DDX31: variants seen among roughly 807,000 people sequenced by gnomAD.
DDX31 encodes the protein DEAD-box helicase 31.
Under a neutral mutation model 91.3 loss-of-function variants are expected in DDX31, and 70 were observed. The observed-to-expected ratio is 0.77, with a 90% CI of 0.63 to 0.94. The LOEUF is 0.94. DDX31 is among the 40% of genes least tolerant of loss of function. The pLI is 0.00. For synonymous variants in DDX31, 362 were observed against 350.6 expected (o/e 1.03, Z -0.36); for missense variants, 902 against 925.0 (o/e 0.98, Z 0.32).
intron 15 of DDX31, among the ~76,000 whole-genome samples, chr9:132,631,230 T>C (rs1832699892): frequency 6.6e-6 from 1 of 152,238 alleles, no homozygotes; most frequent in Non-Finnish European, 1.5e-5. Context: ...GTCAATATAA[T>C]GTATGGGAGG....
At position 132,663,286 on chromosome 9, in the gene DDX31, C is replaced by G. The variant is rs116084401; in HGVS notation, c.76-591G>C. ...CTCAAGCTGCTCCTCCAGATTCAGA[C>G]GGCCTGGAGAAAATTCCTACGCCCT... On this transcript the variant is annotated intron_variant, in intron 1 of 19. Transcript: ENST00000372159. The G allele has an allele frequency of 1.5e-3, 1,991 of 1,289,160 alleles. 26 individuals are homozygous for G. In the African/African-American group the frequency reaches 0.028, roughly 18 times the overall value. 79.9% of individuals were successfully genotyped at this position (1,289,160 alleles called of 1,614,324 possible). A position where few individuals can be genotyped will look rare whatever the true frequency, so the allele number is the denominator to read the frequency against.
At chr9:132,656,541 T>G (rs1834579188) in intron 6 of DDX31, among the ~76,000 whole-genome samples, 1 of 152,120 alleles carries the variant, frequency 6.6e-6, no homozygotes, top group Middle Eastern at 3.2e-3. Context: ...TCCCAGCCCT[T>G]GGAGACAGGC....
chr9:132,662,284 C>G lies in DDX31; in HGVS notation c.385G>C (p.Glu129Gln), dbSNP rs1835015719. ...ACTAAATGTGGGTGGAGGCCCAGCT[C>G]ATGAAAAGCAGCTGAAGTAAACACT... ...EKVFTSAAFH[E>Q]LGLHPHLIST... is the part of the protein sequence containing the mutation. The change falls in exon 3 of 20, where the codon GAG becomes CAG. Residue 129 changes from glutamate to glutamine, a missense_variant. By Grantham distance (29) the Glu-to-Gln change is conservative. Transcript: ENST00000372159. 1 of 1,614,070 alleles carries G rather than the reference C, an allele frequency of 6.2e-7. No homozygotes were observed. Among genetic ancestry groups the G allele is most frequent in the African/African-American group, 1.3e-5 (1 of 74,930 alleles).
chr9:132,644,093 G>A (rs1422868333), intron 13 of DDX31, among the ~76,000 whole-genome samples: 1 of 152,066 alleles, frequency 6.6e-6, no homozygotes, highest in African/African-American at 2.4e-5. Flanking sequence ...ATTTAAGTGG[G>A]ACTGTTTCAG....
intron 18 of DDX31, among the ~76,000 whole-genome samples, chr9:132,615,797 A>T (rs1831592011): frequency 6.6e-6 from 1 of 152,240 alleles, no homozygotes; most frequent in South Asian, 2.1e-4. Context: ...ACAGAGGAAA[A>T]AAGGGGTAAC....
intron 19 of DDX31, among the ~76,000 whole-genome samples, chr9:132,598,554 A>C (rs1486631866): frequency 6.6e-6 from 1 of 152,214 alleles, no homozygotes; most frequent in Non-Finnish European, 1.5e-5. Flanking sequence ...ATAAGGTGAA[A>C]TCACAGCCTA....
intron 14 of DDX31, among the ~76,000 whole-genome samples, chr9:132,641,711 T>C (rs1833514238): frequency 6.6e-6 from 1 of 152,262 alleles, no homozygotes; most frequent in South Asian, 2.1e-4. Flanking sequence ...TCCCGATAGC[T>C]GTAATTTACA....
Position 132,593,932 on chromosome 9 carries a change from G to A in DDX31, c.*934C>T. The stretch of plus-strand genomic sequence containing the variant: ...AACCCTTTCTCTTCTGGACCCCTCT[G>A]CAAGTGCCCAAATCTTACATTTATT... On this transcript the variant is annotated 3_prime_UTR_variant, in exon 20 of 20. Coordinates refer to ENST00000372159, the MANE Select transcript of DDX31 (RefSeq NM_022779.9). The A allele has an allele frequency of 6.6e-6, 1 of 151,176 alleles. No homozygotes were observed. Among genetic ancestry groups the A allele is most frequent in the Non-Finnish European group, 1.5e-5 (1 of 67,934 alleles). The allele number at this position is 151,176 out of a possible 1,614,324, so 9.4% of individuals were successfully genotyped here.
At chr9:132,645,866 T>C (rs760273633) in intron 13 of DDX31, 29 bp downstream of exon 13, 2 of 1,590,400 alleles carry the variant, frequency 1.3e-6, no homozygotes, top group Admixed American at 1.7e-5. Context: ...GCCGCAGTGT[T>C]GTCGCTGCAC....
chr9:132,605,964 G>A (rs1163230035), intron 19 of DDX31, among the ~76,000 whole-genome samples: 2 of 152,040 alleles, frequency 1.3e-5, no homozygotes, highest in Non-Finnish European at 2.9e-5. Flanking sequence ...CTGTTTCAGA[G>A]GTTCGGATGG....
chr9:132,635,866 C>T (rs143807394), intron 14 of DDX31, among the ~76,000 whole-genome samples: 111 of 152,008 alleles, frequency 7.3e-4, no homozygotes, highest in African/African-American at 2.5e-3. Context: ...ACTGCTTGAA[C>T]CCGGGAGGTG....
intron 16 of DDX31, among the ~76,000 whole-genome samples, chr9:132,629,716 G>A (rs1368989405): frequency 6.6e-6 from 1 of 152,328 alleles, no homozygotes; most frequent in Middle Eastern, 3.4e-3. Flanking sequence ...GGCACACCAA[G>A]TCTAGAATCC....
chr9:132,617,172 A>C (rs1357716008), intron 18 of DDX31, among the ~76,000 whole-genome samples: 1 of 151,962 alleles, frequency 6.6e-6, no homozygotes, highest in Non-Finnish European at 1.5e-5. Context: ...CGTCTGCACC[A>C]GCTCCCACTG....
At chr9:132,626,675 A>T (rs1048882843) in intron 16 of DDX31, among the ~76,000 whole-genome samples, 1 of 152,008 alleles carries the variant, frequency 6.6e-6, no homozygotes, top group Non-Finnish European at 1.5e-5. Flanking sequence ...AAATTAAAAC[A>T]TGAATGGCAA....
At chr9:132,664,519 G>A (rs1253548994) in intron 1 of DDX31, among the ~76,000 whole-genome samples, 1 of 151,974 alleles carries the variant, frequency 6.6e-6, no homozygotes, top group Non-Finnish European at 1.5e-5. Flanking sequence ...GACCAGCCTG[G>A]GCAATATGGT....
At chr9:132,645,207 C>A (rs1296256902) in intron 13 of DDX31, among the ~76,000 whole-genome samples, 1 of 152,148 alleles carries the variant, frequency 6.6e-6, no homozygotes, top group African/African-American at 2.4e-5. Context: ...GAGTATATCT[C>A]ACTCCCATAT....
chr9:132,612,123 G>C lies in DDX31; in HGVS notation c.1958C>G (p.Ala653Gly). The C allele has an allele frequency of 6.2e-7, 1 of 1,614,178 alleles. No homozygotes were observed. Reference sequence around the variant, plus strand: ...TGCTTTCCTCTTCTTTCTAGTCAAGGCACTAAGATTCCTGGGGGCATCTCT... The same window carrying C: ...TGCTTTCCTCTTCTTTCTAGTCAAGCCACTAAGATTCCTGGGGGCATCTCT... ...GLRDAPRNLSALTRKKRKAHV... is the reference protein window; with the variant it reads ...GLRDAPRNLSGLTRKKRKAHV... The change falls in exon 19 of 20, where the codon GCC (alanine) becomes GGC (glycine). Residue 653 changes from alanine (A) to glycine (G), a missense_variant. Ala to Gly is a moderately conservative substitution (Grantham distance 60). Transcript: ENST00000372159.
chr9:132,666,939 TC>T (rs1835351689), intron 1 of DDX31, among the ~76,000 whole-genome samples: 1 of 152,074 alleles, frequency 6.6e-6, no homozygotes, highest in East Asian at 1.9e-4. Context: ...GGTCTCGATC[TC>T]CTGACCTCGT....
intron 18 of DDX31, among the ~76,000 whole-genome samples, chr9:132,615,941 G>A (rs1214336056): frequency 1.3e-5 from 2 of 152,242 alleles, no homozygotes; most frequent in Non-Finnish European, 2.9e-5. Context: ...CAGCTGCTTT[G>A]TTAATTATTC....
Sources: allele counts gnomAD v4.1 joint callset (sites outside exome capture counted in the v4.1 genomes callset), GRCh38; gene constraint gnomAD v4.1.1; transcripts MANE v1.5; gene names NCBI Gene and HGNC (gene_info 2026-07-23, HGNC 2026-07-21).